Variants in ESR1 observed in about 807,000 individuals in gnomAD.
The protein encoded by ESR1 is estrogen receptor.
In ESR1, 12 loss-of-function variants were observed where a neutral mutation model predicts 52.7. The ratio of observed to expected loss-of-function variants is 0.23; its 90% CI spans 0.15 to 0.37. The LOEUF (loss-of-function observed/expected upper bound fraction) is 0.37, where lower values mean the gene tolerates loss of function less well. ESR1 is among the 10% of genes least tolerant of loss of function. ESR1 has a pLI of 1.00. For missense variants in ESR1, 584 were observed against 779.7 expected, an observed-to-expected ratio of 0.75 and a Z score of 2.99; for synonymous variants, 305 against 316.8, an observed-to-expected ratio of 0.96 and a Z score of 0.39.
At chr6:152,045,087 G>C (rs1293115079) in intron 5 of ESR1, among the ~76,000 whole-genome samples, 2 of 152,140 alleles carry the variant, frequency 1.3e-5, no homozygotes, top group African/African-American at 2.4e-5. Flanking sequence ...AGCAAGTGCT[G>C]TCTGTGGGTG....
At chr6:151,914,855 C>T (rs1054247920) in intron 3 of ESR1, among the ~76,000 whole-genome samples, 6 of 152,248 alleles carry the variant, frequency 3.9e-5, no homozygotes, top group South Asian at 2.1e-4. Flanking sequence ...GTTCAGGACA[C>T]GTACACTGTA....
chr6:151,941,400 C>A lies in ESR1; in HGVS notation c.761-2773C>A, dbSNP rs1019701058. 8.3e-4 allele frequency among the ~76,000 whole-genome samples: 127 copies of A among 152,302 alleles called. 1 individual carries two copies. Among genetic ancestry groups the A allele is most frequent in the Admixed American group, 8.1e-3 (124 of 15,298 alleles). On this transcript the variant is annotated intron_variant, in intron 3 of 7. Transcript: ENST00000206249. The stretch of plus-strand genomic sequence containing the variant: ...GAACCAGGCATTTTCTTACCCCAGT[C>A]CTCACACGAAGTAGGGAAATACAAG...
intron 4 of ESR1, among the ~76,000 whole-genome samples, chr6:151,972,191 C>A (rs2038981454): frequency 1.3e-5 from 2 of 152,002 alleles, no homozygotes; most frequent in Admixed American, 1.3e-4. Flanking sequence ...AGTCCAGGAC[C>A]ACACAGATTC....
chr6:152,117,847 C>A (rs1043798322), intron 6 of ESR1, among the ~76,000 whole-genome samples: 4 of 152,184 alleles, frequency 2.6e-5, no homozygotes, highest in African/African-American at 9.7e-5. Context: ...TAGTGAGAAG[C>A]TGGGAATTGA....
intron 3 of ESR1, among the ~76,000 whole-genome samples, chr6:151,912,484 G>A (rs1798416111): frequency 6.6e-6 from 1 of 152,166 alleles, no homozygotes; most frequent in Admixed American, 6.5e-5. Context: ...ATTGTTTTAT[G>A]GAACAGGTGA....
intron 1 of ESR1, among the ~76,000 whole-genome samples, chr6:151,829,997 G>T (rs1172295387): frequency 1.3e-5 from 2 of 152,092 alleles, no homozygotes; most frequent in Admixed American, 1.3e-4. Flanking sequence ...TGCAATTCTG[G>T]ACATGTGTGT....
At chr6:151,858,103 T>C (rs1157973376) in intron 2 of ESR1, among the ~76,000 whole-genome samples, 1 of 152,200 alleles carries the variant, frequency 6.6e-6, no homozygotes, top group East Asian at 1.9e-4. Context: ...TCATTTTGAC[T>C]GTCTGTTTGC....
intron 1 of ESR1, among the ~76,000 whole-genome samples, chr6:151,698,595 A>G (rs1417276495): frequency 6.6e-6 from 1 of 152,172 alleles, no homozygotes; most frequent in Non-Finnish European, 1.5e-5. Context: ...AAGGAGGACG[A>G]GTGTCCTTTC....
intron 4 of ESR1, among the ~76,000 whole-genome samples, chr6:152,004,496 C>T (rs1706113440): frequency 2.0e-5 from 3 of 151,934 alleles, no homozygotes; most frequent in African/African-American, 4.8e-5. Context: ...CTCATGTATG[C>T]ATTACAGTAG....
intron 4 of ESR1, among the ~76,000 whole-genome samples, chr6:151,990,381 C>T (rs1316240967): frequency 6.6e-6 from 1 of 151,930 alleles, no homozygotes; most frequent in Admixed American, 6.6e-5. Flanking sequence ...TTTTTTAGTC[C>T]ATTGCTGGTG....
chr6:151,742,454 C>T (rs1465112513), intron 2 of ESR1, among the ~76,000 whole-genome samples: 1 of 152,132 alleles, frequency 6.6e-6, no homozygotes, highest in Non-Finnish European at 1.5e-5. Flanking sequence ...AAGGGCAGGG[C>T]ATCATTAATA....
chr6:151,853,121 G>A (rs746792753), intron 2 of ESR1, among the ~76,000 whole-genome samples: 27 of 122,288 alleles, frequency 2.2e-4, no homozygotes, highest in Admixed American at 7.5e-4. Flanking sequence ...GTAGTGAGCC[G>A]AGATTGCACC....
At chr6:151,817,308 C>T (rs939192509) in intron 1 of ESR1, among the ~76,000 whole-genome samples, 7 of 152,152 alleles carry the variant, frequency 4.6e-5, no homozygotes, top group Non-Finnish European at 1.0e-4. Flanking sequence ...GGGCTTTTCT[C>T]ACTGATTTAC....
At chr6:151,908,533 T>C (rs1797788102) in intron 3 of ESR1, among the ~76,000 whole-genome samples, 1 of 152,218 alleles carries the variant, frequency 6.6e-6, no homozygotes, top group Admixed American at 6.5e-5. Flanking sequence ...AGGCAGCCAC[T>C]GAGGCAAACA....
intron 3 of ESR1, among the ~76,000 whole-genome samples, chr6:151,927,471 G>T (rs928961169): frequency 6.6e-6 from 1 of 152,070 alleles, no homozygotes; most frequent in African/African-American, 2.4e-5. Context: ...TGAGCCAGAT[G>T]ATTTCTTTAG....
intron 4 of ESR1, among the ~76,000 whole-genome samples, chr6:151,994,351 A>G (rs2128723311): frequency 6.6e-6 from 1 of 152,328 alleles, no homozygotes; most frequent in East Asian, 1.9e-4. Context: ...CTGGCTCTTT[A>G]AGACTGGAAC....
intron 6 of ESR1, among the ~76,000 whole-genome samples, chr6:152,074,008 A>G (rs1028120217): frequency 6.6e-6 from 1 of 152,146 alleles, no homozygotes; most frequent in African/African-American, 2.4e-5. Context: ...TGGCAAGTAC[A>G]GAAAGTTCCC....
At chr6:152,009,259 G>C (rs974168196) in intron 4 of ESR1, among the ~76,000 whole-genome samples, 1 of 152,088 alleles carries the variant, frequency 6.6e-6, no homozygotes, top group Non-Finnish European at 1.5e-5. Flanking sequence ...AAAGACACCT[G>C]CTCTGAGACA....
At chr6:152,018,237 A>G (rs568239874) in intron 5 of ESR1, among the ~76,000 whole-genome samples, 1 of 152,270 alleles carries the variant, frequency 6.6e-6, no homozygotes, top group East Asian at 1.9e-4. Context: ...ATAGAAAAAA[A>G]AAAGTCATTC....
Sources: gnomAD v4.1 joint callset for allele counts (sites outside exome capture counted in the v4.1 genomes callset) on GRCh38, gnomAD v4.1.1 for gene constraint, MANE v1.5 for transcripts, NCBI Gene and HGNC (gene_info 2026-07-23, HGNC 2026-07-21) for gene names.